The following EXT2 variants were observed in gnomAD, a reference collection of about 807,000 sequenced individuals.
EXT2 encodes the protein exostosin glycosyltransferase 2.
In EXT2, 53 loss-of-function variants were observed where a neutral mutation model predicts 81.6. That is an observed-to-expected ratio of 0.65 (90% CI 0.52 to 0.82). The LOEUF is 0.82. Ranked by LOEUF, EXT2 falls within the 40% of genes least tolerant of loss-of-function variation. EXT2 has a pLI of 0.00. For synonymous variants in EXT2, 320 were observed against 340.0 expected, an observed-to-expected ratio of 0.94 and a Z score of 0.65; for missense variants, 774 against 910.2, an observed-to-expected ratio of 0.85 and a Z score of 1.93.
intron 1 of EXT2, among the ~76,000 whole-genome samples, chr11:44,096,623 A>G (rs1953902508): frequency 6.6e-6 from 1 of 152,250 alleles, no homozygotes; most frequent in East Asian, 1.9e-4. Flanking sequence ...GGGGCATGTT[A>G]GTCTCGGGAC....
At chr11:44,235,398 T>C (rs2902400) in intron 12 of EXT2, among the ~76,000 whole-genome samples, 136,673 of 151,508 alleles carry the variant, frequency 0.9, 61,729 homozygotes, top group East Asian at 0.99. Flanking sequence ...CACGCCGCCA[T>C]GTCCGGCTAA....
At chr11:44,217,495 C>T (rs1285539419) in intron 10 of EXT2, among the ~76,000 whole-genome samples, 1 of 152,138 alleles carries the variant, frequency 6.6e-6, no homozygotes, top group Non-Finnish European at 1.5e-5. Flanking sequence ...CTTCTCTGGC[C>T]CTGTGTGTTT....
Position 44,167,241 on chromosome 11 carries a change from C to T in EXT2, c.1174-4370C>T, listed in dbSNP as rs369361603. On this transcript the variant is annotated intron_variant, in intron 7 of 13. Coordinates refer to ENST00000533608, the MANE Select transcript of EXT2 (RefSeq NM_207122.2). Reference sequence around the variant, plus strand: ...CAAGGAAGAAAGTGAAAAATGTGCTCGTAATCTTCCCTTAGAGTGTTTGCC... The same window carrying T: ...CAAGGAAGAAAGTGAAAAATGTGCTTGTAATCTTCCCTTAGAGTGTTTGCC... Among the ~76,000 whole-genome samples, 467 of 152,260 alleles carry T rather than the reference C, an allele frequency of 3.1e-3. 2 individuals carry two copies. The highest frequency in any genetic ancestry group is 0.021 in the South Asian group (100 of 4,822).
intron 4 of EXT2, among the ~76,000 whole-genome samples, chr11:44,121,861 T>C (rs1954321664): frequency 6.6e-6 from 1 of 152,018 alleles, no homozygotes; most frequent in Non-Finnish European, 1.5e-5. Flanking sequence ...ACAGAAGCCT[T>C]CCTTTCACTT....
intron 7 of EXT2, among the ~76,000 whole-genome samples, chr11:44,158,906 C>T (rs1565215897): frequency 6.6e-6 from 1 of 151,902 alleles, no homozygotes; most frequent in South Asian, 2.1e-4. Context: ...ATATTTCACT[C>T]CACTTCCTTC....
intron 8 of EXT2, among the ~76,000 whole-genome samples, chr11:44,195,970 TG>T (rs748433137): frequency 7.2e-5 from 11 of 152,224 alleles, no homozygotes; most frequent in Non-Finnish European, 1.6e-4. Context: ...ATGCTTTAAG[TG>T]GGTAGATTGT....
intron 8 of EXT2, among the ~76,000 whole-genome samples, chr11:44,196,824 T>C (rs953657285): frequency 2.0e-5 from 3 of 152,182 alleles, no homozygotes; most frequent in Non-Finnish European, 4.4e-5. Context: ...TCTAAGTTCC[T>C]TTTTTTCTTT....
chr11:44,146,197 T>C (rs1284000816), intron 7 of EXT2, among the ~76,000 whole-genome samples: 1 of 152,180 alleles, frequency 6.6e-6, no homozygotes, highest in East Asian at 1.9e-4. Context: ...GGACACCAGA[T>C]TGGATCAGGG....
At position 44,234,220 on chromosome 11, in the gene EXT2, G is replaced by T; in HGVS notation, c.1912G>T (p.Val638Phe). 6.2e-7 allele frequency: 1 copy of T among 1,614,050 alleles called. No individual in the cohort carries two copies. Among genetic ancestry groups the T allele is most frequent in the Non-Finnish European group, 8.5e-7 (1 of 1,179,982 alleles). The change falls in exon 12 of 14, where the codon GTC (valine) becomes TTC (phenylalanine). Residue 638 changes from valine to phenylalanine, a missense_variant. This residue lies in a region of EXT2 where 148 missense variants were observed against 239.7 expected (regional missense o/e 0.62). Coordinates refer to ENST00000533608, the MANE Select transcript of EXT2 (RefSeq NM_207122.2). ...TGCCATGAACTTCCTGGTGGCCAACGTCACGGGAAAAGCAGTTATCAAGGT... is the reference window on the plus strand; with the variant it reads ...TGCCATGAACTTCCTGGTGGCCAACTTCACGGGAAAAGCAGTTATCAAGGT... Reference protein sequence around the residue: ...DIAMNFLVANVTGKAVIKVTP... With the variant: ...DIAMNFLVANFTGKAVIKVTP...
intron 9 of EXT2, among the ~76,000 whole-genome samples, chr11:44,204,284 C>CA (rs1426555715): frequency 6.6e-6 from 1 of 152,172 alleles, no homozygotes; most frequent in African/African-American, 2.4e-5. Context: ...TCATGAGTGA[C>CA]ATCATTTCCC....
chr11:44,131,705 C>G (rs1340582518), intron 7 of EXT2, among the ~76,000 whole-genome samples: 2 of 151,930 alleles, frequency 1.3e-5, no homozygotes, highest in Non-Finnish European at 2.9e-5. Context: ...AAGAAAATGC[C>G]CCTTGAGGAG....
intron 7 of EXT2, among the ~76,000 whole-genome samples, chr11:44,147,082 G>A (rs1297161836): frequency 2.0e-5 from 3 of 152,074 alleles, no homozygotes; most frequent in Non-Finnish European, 4.4e-5. Flanking sequence ...AACATTGCAT[G>A]CCTGCCTTTT....
intron 8 of EXT2, among the ~76,000 whole-genome samples, chr11:44,190,131 T>TTG (rs1955372194): frequency 1.3e-5 from 2 of 152,208 alleles, no homozygotes; most frequent in African/African-American, 4.8e-5. Flanking sequence ...CCTATATCCA[T>TTG]TGATAGGGAG....
chr11:44,124,833 C>G lies in EXT2; in HGVS notation c.788C>G (p.Pro263Arg). ...CTGTCATCTCAGGTGGGTCTCCATC[C>G]TGAGTACAGAGAGGACCTAGAAGCC... ...FLLSSQVGLH[P>R]EYREDLEALQ... The change falls in exon 5 of 14, where the codon CCT becomes CGT. Residue 263 changes from proline to arginine, a missense_variant. Physicochemically the swap from Pro to Arg is moderately radical, Grantham distance 103. Around this residue, in one of 2 missense-constraint regions of EXT2, gnomAD observed 626 missense variants for 670.5 expected, o/e 0.93. Transcript: ENST00000533608. The G allele has an allele frequency of 6.2e-7, 1 of 1,614,138 alleles. No homozygotes were observed. Among genetic ancestry groups the G allele is most frequent in the South Asian group, 1.1e-5 (1 of 91,074 alleles).
At chr11:44,124,717 T>G (rs1055255904) in intron 4 of EXT2, 72 bp from the exon 5 acceptor site, 3 of 1,308,292 alleles carry the variant, frequency 2.3e-6, no homozygotes, top group Non-Finnish European at 3.3e-6. Context: ...ATAAGTTTAA[T>G]ATCAAAGTTT....
chr11:44,122,809 T>C (rs549888070), intron 4 of EXT2, among the ~76,000 whole-genome samples: 1 of 152,350 alleles, frequency 6.6e-6, no homozygotes, highest in South Asian at 2.1e-4. Flanking sequence ...ACGTTTGTGC[T>C]GTCAGGCAGC....
chr11:44,117,055 C>T (rs972226407), intron 4 of EXT2, among the ~76,000 whole-genome samples: 6 of 151,688 alleles, frequency 4.0e-5, no homozygotes, highest in African/African-American at 7.3e-5. Context: ...CCAAAACCTC[C>T]GCCTCCCAGA....
intron 8 of EXT2, among the ~76,000 whole-genome samples, chr11:44,194,895 G>A (rs1955437296): frequency 6.6e-6 from 1 of 152,102 alleles, no homozygotes; most frequent in Non-Finnish European, 1.5e-5. Context: ...GGATAGTGAT[G>A]GCACATAGAC....
intron 7 of EXT2, among the ~76,000 whole-genome samples, chr11:44,130,702 G>A (rs753546498): frequency 2.6e-5 from 4 of 152,186 alleles, no homozygotes; most frequent in African/African-American, 4.8e-5. Flanking sequence ...TCCTGCTTCC[G>A]TTTCTTTGTC....
Sources: gnomAD v4.1 joint callset for allele counts (sites outside exome capture counted in the v4.1 genomes callset) on GRCh38, gnomAD v4.1.1 for gene constraint, gnomAD v4.1.1 regional missense constraint, MANE v1.5 for transcripts, NCBI Gene and HGNC (gene_info 2026-07-23, HGNC 2026-07-21) for gene names.